The following EFNB2 variants were observed in gnomAD, a reference collection of about 807,000 sequenced individuals.
EFNB2 encodes the protein ephrin-B2.
EFNB2 carries 5 observed loss-of-function variants against 32.1 expected under a neutral mutation model. The observed-to-expected ratio is 0.16, with a 90% CI of 0.08 to 0.33. The LOEUF is 0.33. Ranked by LOEUF, EFNB2 falls within the 10% of genes least tolerant of loss-of-function variation. The pLI is 1.00. For missense variants in EFNB2, 263 were observed against 422.6 expected (o/e 0.62, Z 3.31); for synonymous variants, 168 against 166.5 (o/e 1.01, Z -0.07).
intron 2 of EFNB2, among the ~76,000 whole-genome samples, chr13:106,496,548 C>G (rs1477502338): frequency 6.6e-6 from 1 of 152,228 alleles, no homozygotes; most frequent in Non-Finnish European, 1.5e-5. Flanking sequence ...CACACACATG[C>G]CCACCACTCA....
At position 106,535,071 on chromosome 13, in the gene EFNB2, C is replaced by A; in HGVS notation, c.-107G>T. 4 of 1,473,892 alleles carry A rather than the reference C, an allele frequency of 2.7e-6. No homozygotes were observed. Among genetic ancestry groups the A allele is most frequent in the Non-Finnish European group, 9.1e-7 (1 of 1,104,684 alleles). The allele number at this position is 1,473,892 out of a possible 1,614,324, so 91.3% of individuals were successfully genotyped here. A position where few individuals can be genotyped will look rare whatever the true frequency, so the allele number is the denominator to read the frequency against. ...GCAGACTGGCGGGGAAGACGGCGTG[C>A]GCCCGCAGGCAGCTCCGAGGCGCGC... On this transcript the variant is annotated 5_prime_UTR_variant, in exon 1 of 5. Coordinates refer to ENST00000646441, the MANE Select transcript of EFNB2 (RefSeq NM_004093.4).
At chr13:106,499,892 C>T (rs1413612216) in intron 2 of EFNB2, among the ~76,000 whole-genome samples, 1 of 152,140 alleles carries the variant, frequency 6.6e-6, no homozygotes, top group East Asian at 1.9e-4. Context: ...CCCCCAGGGC[C>T]TAATTTCCAG....
intron 1 of EFNB2, among the ~76,000 whole-genome samples, chr13:106,526,033 C>T (rs1270771592): frequency 1.3e-5 from 2 of 152,080 alleles, no homozygotes; most frequent in African/African-American, 4.8e-5. Context: ...CAGTTGCCAG[C>T]GTCACCTGGG....
chr13:106,530,908 G>C (rs1879849920), intron 1 of EFNB2, among the ~76,000 whole-genome samples: 1 of 152,210 alleles, frequency 6.6e-6, no homozygotes, highest in Non-Finnish European at 1.5e-5. Context: ...TAAGTTTACA[G>C]ACAAGAGGTT....
Position 106,512,748 on chromosome 13 carries a change from G to T in EFNB2, c.187C>A (p.Pro63Thr). Residue 63 changes from proline to threonine, a missense_variant, in exon 2 of 5, where the codon CCC (proline) becomes ACC (threonine). Physicochemically the swap from Pro to Thr is conservative, Grantham distance 38. Around this residue, in one of 3 missense-constraint regions of EFNB2, gnomAD observed 45 missense variants for 128.6 expected, o/e 0.35. Coordinates refer to ENST00000646441, the MANE Select transcript of EFNB2 (RefSeq NM_004093.4). ...QIGDKLDIIC[P>T]KVDSKTVGQY... The stretch of plus-strand genomic sequence containing the variant: ...CCAACAGTTTTAGAGTCCACTTTGG[G>T]GCAAATAATATCCAATTTGTCTCCT... 1.2e-6 allele frequency: 2 copies of T among 1,613,298 alleles called. No individual in the cohort carries two copies. The highest frequency in any genetic ancestry group is 1.7e-6 in the Non-Finnish European group (2 of 1,179,666).
chr13:106,509,188 T>C, intron 2 of EFNB2, among the ~76,000 whole-genome samples: 1 of 152,226 alleles, frequency 6.6e-6, no homozygotes, highest in Admixed American at 6.5e-5. Context: ...GACTAGCAAG[T>C]AGGACTCTAG....
intron 1 of EFNB2, among the ~76,000 whole-genome samples, chr13:106,532,056 T>TTAA (rs1566464929): frequency 2.2e-5 from 2 of 92,600 alleles, no homozygotes; most frequent in African/African-American, 8.6e-5. Context: ...TCTGCTGAAT[T>TTAA]AAAAAAAAAA....
chr13:106,510,590 G>A lies in EFNB2; in HGVS notation c.406+1939C>T, dbSNP rs60462479. Among the ~76,000 whole-genome samples, 784 of 152,186 alleles carry A rather than the reference G, an allele frequency of 5.2e-3. 16 individuals are homozygous for A. Among genetic ancestry groups the A allele is most frequent in the African/African-American group, 0.017 (710 of 41,476 alleles). ...CATCTCTAGTGTGTCCCCTCTTCCCGTACCACGACCTTCTTTCTCCCACCC... is the reference window on the plus strand; with the variant it reads ...CATCTCTAGTGTGTCCCCTCTTCCCATACCACGACCTTCTTTCTCCCACCC... On this transcript the variant is annotated intron_variant, in intron 2 of 4. Coordinates refer to ENST00000646441, the MANE Select transcript of EFNB2 (RefSeq NM_004093.4).
Position 106,493,091 on chromosome 13 carries a change from G to A in EFNB2, c.951C>T (p.Ile317=), listed in dbSNP as rs566875957. 1.3e-5 allele frequency: 21 copies of A among 1,613,788 alleles called. No homozygotes were observed. The highest frequency in any genetic ancestry group is 7.7e-5 in the South Asian group (7 of 91,090). ...GGCTCTGCGGGGGCATCTCCTGGAC[G>A]ATGTACACCGGGTGCCCGTAGTCCC... is the stretch of plus-strand genomic sequence containing the variant. ...VSGDYGHPVY[I]VQEMPPQSPA... The change falls in exon 5 of 5, where the codon ATC becomes ATT. Residue 317 remains isoleucine (I), a synonymous_variant. Transcript: ENST00000646441. The surrounding 1 kb of genome is among the most constrained non-coding windows in gnomAD (Gnocchi z 6.1).
intron 2 of EFNB2, among the ~76,000 whole-genome samples, chr13:106,502,984 C>G (rs1878833239): frequency 6.6e-6 from 1 of 152,160 alleles, no homozygotes; most frequent in African/African-American, 2.4e-5. Flanking sequence ...CTGAGAAAGA[C>G]CAGACAGTAC....
chr13:106,490,075 TAAAC>T lies in EFNB2; in HGVS notation c.*2961_*2964del, dbSNP rs1211763560. ...GTGCAAAGGGGAATGACACTGCCGT[TAAAC>T]AAGCTGTAGCTAAATACATTGCAAA... On this transcript the variant is annotated 3_prime_UTR_variant, in exon 5 of 5. Transcript: ENST00000646441. The T allele has an allele frequency of 6.6e-6, 1 of 152,644 alleles. No individual in the cohort carries two copies. Among genetic ancestry groups the T allele is most frequent in the African/African-American group, 2.4e-5 (1 of 41,430 alleles). 9.5% of individuals were successfully genotyped at this position (152,644 alleles called of 1,614,324 possible).
At chr13:106,512,304 G>GTTT (rs57001546) in intron 2 of EFNB2, among the ~76,000 whole-genome samples, 1 of 140,346 alleles carries the variant, frequency 7.1e-6, no homozygotes. Context: ...GAATTCTAGT[G>GTTT]TTTTTTTTTC....
chr13:106,521,630 A>C (rs1241204428), intron 1 of EFNB2: 3 of 152,222 alleles, frequency 2.0e-5, no homozygotes, highest in African/African-American at 7.2e-5. Context: ...ACAGTGCTGC[A>C]CAATTGAATG....
At chr13:106,528,187 G>C (rs536994965) in intron 1 of EFNB2, among the ~76,000 whole-genome samples, 240 of 152,294 alleles carry the variant, frequency 1.6e-3, no homozygotes, top group Non-Finnish European at 3.0e-3. Context: ...GTTAGAAAAA[G>C]AAGGTAAAGT....
intron 1 of EFNB2, 24 bp downstream of exon 1, chr13:106,534,819 A>G (rs1880008857): frequency 6.2e-7 from 1 of 1,604,720 alleles, no homozygotes; most frequent in Non-Finnish European, 8.5e-7. Flanking sequence ...GCGGGGACAT[A>G]GGGGGATCGC....
intron 1 of EFNB2, among the ~76,000 whole-genome samples, chr13:106,515,732 G>C (rs1222748901): frequency 1.3e-5 from 2 of 152,228 alleles, no homozygotes; most frequent in African/African-American, 4.8e-5. Flanking sequence ...TCAGTGGACA[G>C]AGTGCAGTTG....
chr13:106,493,527 G>A lies in EFNB2; in HGVS notation c.614-99C>T, dbSNP rs1478312017. Reference sequence around the variant, plus strand: ...CTTAAAAATGTGAAAAATAAGCCAGGCTTATTACTAACTAGAAGCTGGACT... The same window carrying A: ...CTTAAAAATGTGAAAAATAAGCCAGACTTATTACTAACTAGAAGCTGGACT... On this transcript the variant is annotated intron_variant, in intron 4 of 4. Transcript: ENST00000646441. This position sits in a 1 kb window ranked among gnomAD's most constrained non-coding sequence, Gnocchi z 6.1. 1 of 1,457,588 alleles carries A rather than the reference G, an allele frequency of 6.9e-7. No homozygotes were observed. The highest frequency in any genetic ancestry group is 9.1e-7 in the Non-Finnish European group (1 of 1,096,122). The allele number at this position is 1,457,588 out of a possible 1,614,324, so 90.3% of individuals were successfully genotyped here.
Position 106,535,147 on chromosome 13 carries a change from T to A in EFNB2, c.-183A>T. 1 of 496,472 alleles carries A rather than the reference T, an allele frequency of 2.0e-6. No homozygotes were observed. Among genetic ancestry groups the A allele is most frequent in the Non-Finnish European group, 2.8e-6 (1 of 357,310 alleles). 30.8% of individuals were successfully genotyped at this position (496,472 alleles called of 1,614,324 possible). A position where few individuals can be genotyped will look rare whatever the true frequency, so the allele number is the denominator to read the frequency against. On this transcript the variant is annotated 5_prime_UTR_variant, in exon 1 of 5. Coordinates refer to ENST00000646441, the MANE Select transcript of EFNB2 (RefSeq NM_004093.4). ...CAGGTGCGCTCGCTCTCCGGGGCCC[T>A]CAGGGCGCGGGGCGGGAGCGCACGC...
In EFNB2 at chr13:106,535,228, C is replaced by G. The variant is rs977380076; in HGVS notation, c.-264G>C. 1 of 152,162 alleles carries G rather than the reference C, an allele frequency of 6.6e-6. No homozygotes were observed. The highest frequency in any genetic ancestry group is 1.4e-5 in the Non-Finnish European group (1 of 70,464). 9.4% of individuals were successfully genotyped at this position (152,162 alleles called of 1,614,324 possible). A position where few individuals can be genotyped will look rare whatever the true frequency, so the allele number is the denominator to read the frequency against. On this transcript the variant is annotated 5_prime_UTR_variant, in exon 1 of 5. Coordinates refer to ENST00000646441, the MANE Select transcript of EFNB2 (RefSeq NM_004093.4). Reference sequence around the variant, plus strand: ...TTCCGGGGCGCCGCGCCGGACGCAGCTCGGACGGCCGACTCCCGTGCGGCT... The same window carrying G: ...TTCCGGGGCGCCGCGCCGGACGCAGGTCGGACGGCCGACTCCCGTGCGGCT...
Sources: gnomAD v4.1 joint callset for allele counts (sites outside exome capture counted in the v4.1 genomes callset) on GRCh38, gnomAD v4.1.1 for gene constraint, gnomAD v4.1.1 regional missense constraint, Gnocchi (gnomAD v3.1) non-coding constraint, MANE v1.5 for transcripts, NCBI Gene and HGNC (gene_info 2026-07-23, HGNC 2026-07-21) for gene names.